Variants in SYNJ2 observed in about 807,000 individuals in gnomAD.
SYNJ2 encodes the protein synaptojanin 2, also known as polyphosphatidylinositol phosphatase SYNJ2.
In SYNJ2, 116 loss-of-function variants were observed where a neutral mutation model predicts 141.3. The observed-to-expected ratio is 0.82, with a 90% CI of 0.71 to 0.96. SYNJ2 has a LOEUF of 0.96. SYNJ2 is among the 40% of genes least tolerant of loss of function. SYNJ2 has a pLI of 0.00. For missense variants in SYNJ2, 1,873 were observed against 1,934.8 expected (o/e 0.97, Z 0.60); for synonymous variants, 745 against 777.7 (o/e 0.96, Z 0.70).
chr6:158,015,617 G>T (rs950460917), intron 1 of SYNJ2, among the ~76,000 whole-genome samples: 1 of 152,148 alleles, frequency 6.6e-6, no homozygotes, highest in African/African-American at 2.4e-5. Context: ...GTCACCAATT[G>T]CAATTACAGA....
chr6:158,088,574 C>T (rs1461288622), intron 23 of SYNJ2, 86 bp from the exon 24 acceptor site: 75 of 962,800 alleles, frequency 7.8e-5, no homozygotes, highest in South Asian at 2.8e-4. Context: ...CTGGGACATC[C>T]GCCTCGTCTA....
rs1221567949 is a variant in SYNJ2 at position 158,026,996 on chromosome 6, G to A, written c.215-1760G>A. 13 of 985,280 alleles carry A rather than the reference G, an allele frequency of 1.3e-5. No individual in the cohort carries two copies. In the Admixed American group the frequency reaches 4.9e-4, roughly 37 times the overall value. The allele number at this position is 985,280 out of a possible 1,614,324, so 61.0% of individuals were successfully genotyped here. A position where few individuals can be genotyped will look rare whatever the true frequency, so the allele number is the denominator to read the frequency against. ...GGTGGTTTTGAGGTGGTTTCCTGAGGATGTGTCTGGGGAGATGTGATGGGA... is the reference window on the plus strand; with the variant it reads ...GGTGGTTTTGAGGTGGTTTCCTGAGAATGTGTCTGGGGAGATGTGATGGGA... On this transcript the variant is annotated intron_variant, in intron 2 of 26. Coordinates refer to ENST00000355585, the MANE Select transcript of SYNJ2 (RefSeq NM_003898.4).
At chr6:158,026,695 T>A (rs1779066460) in intron 2 of SYNJ2, among the ~76,000 whole-genome samples, 1 of 152,188 alleles carries the variant, frequency 6.6e-6, no homozygotes, top group South Asian at 2.1e-4. Flanking sequence ...GAAGTGGTGC[T>A]AGAAATCAGC....
chr6:158,018,730 G>A (rs754472359), intron 2 of SYNJ2, among the ~76,000 whole-genome samples: 1 of 152,200 alleles, frequency 6.6e-6, no homozygotes, highest in African/African-American at 2.4e-5. Flanking sequence ...ATAGGCTACC[G>A]TGATAATGCA....
At chr6:157,985,988 T>G (rs912192333) in intron 1 of SYNJ2, among the ~76,000 whole-genome samples, 3 of 152,230 alleles carry the variant, frequency 2.0e-5, no homozygotes, top group African/African-American at 7.2e-5. Flanking sequence ...TTGTTTGAAT[T>G]GGTGAGATGG....
chr6:157,988,177 GT>G (rs899986266), intron 1 of SYNJ2, among the ~76,000 whole-genome samples: 1 of 152,248 alleles, frequency 6.6e-6, no homozygotes, highest in Non-Finnish European at 1.5e-5. Context: ...GGGCGTTGGG[GT>G]GGCAAGGGCA....
At chr6:158,057,047 A>G (rs1583423791) in intron 6 of SYNJ2, among the ~76,000 whole-genome samples, 1 of 148,896 alleles carries the variant, frequency 6.7e-6, no homozygotes, top group Non-Finnish European at 1.5e-5. Flanking sequence ...AGGACAGTGA[A>G]CCCCTTCTCC....
chr6:158,028,947 G>T lies in SYNJ2; in HGVS notation c.406G>T (p.Asp136Tyr), dbSNP rs147584404. The change falls in exon 3 of 27, where the codon GAT becomes TAT. Residue 136 changes from aspartate to tyrosine, a missense_variant. Transcript: ENST00000355585. ...GGTGTTCTATTTCTCATGGCCAAAC[G>T]ATGGGTCTCGCTTTGACCTGACTGT... ...SGVFYFSWPN[D>Y]GSRFDLTVRT... 2 of 1,614,054 alleles carry T rather than the reference G, an allele frequency of 1.2e-6. No individual in the cohort carries two copies. Among genetic ancestry groups the T allele is most frequent in the Admixed American group, 1.7e-5 (1 of 60,014 alleles).
In SYNJ2 at chr6:158,047,519, G is replaced by T. The variant is rs756387169; in HGVS notation, c.795+4120G>T. Among the ~76,000 whole-genome samples, 13 of 152,152 alleles carry T rather than the reference G, an allele frequency of 8.5e-5. 1 individual carries two copies. The highest frequency in any genetic ancestry group is 1.9e-4 in the Non-Finnish European group (13 of 68,018). ...TGGCTGGGCATGGGGGCTCATGCCTGTAATTCCAGCAATTTGGGAGGCCAA... is the reference window on the plus strand; with the variant it reads ...TGGCTGGGCATGGGGGCTCATGCCTTTAATTCCAGCAATTTGGGAGGCCAA... On this transcript the variant is annotated intron_variant, in intron 5 of 26. Transcript: ENST00000355585.
chr6:158,014,347 T>G (rs1366854030), intron 1 of SYNJ2, among the ~76,000 whole-genome samples: 1 of 152,230 alleles, frequency 6.6e-6, no homozygotes, highest in Non-Finnish European at 1.5e-5. Context: ...CATCTGTTTA[T>G]TCAGTAAGGT....
chr6:158,087,551 GT>G (rs1325220111), intron 23 of SYNJ2, among the ~76,000 whole-genome samples: 2 of 152,176 alleles, frequency 1.3e-5, no homozygotes, highest in Non-Finnish European at 2.9e-5. Context: ...AAGCTGTGAT[GT>G]GCTTTTGATC....
At chr6:158,000,566 T>C (rs767514027) in intron 1 of SYNJ2, among the ~76,000 whole-genome samples, 1 of 152,094 alleles carries the variant, frequency 6.6e-6, no homozygotes, top group Non-Finnish European at 1.5e-5. Context: ...AATCAGAAAG[T>C]CCTGAAAAAT....
intron 1 of SYNJ2, among the ~76,000 whole-genome samples, chr6:158,013,319 T>A (rs1236873561): frequency 1.3e-5 from 2 of 152,082 alleles, no homozygotes; most frequent in Non-Finnish European, 2.9e-5. Context: ...AGGTGGAGGT[T>A]ACAGTGAGCT....
intron 1 of SYNJ2, among the ~76,000 whole-genome samples, chr6:157,993,805 T>G (rs1290360587): frequency 2.5e-4 from 9 of 35,922 alleles, no homozygotes; most frequent in African/African-American, 2.6e-4. Context: ...GGGTTTTTTT[T>G]TTTTTTTTTT....
At chr6:157,989,911 G>T (rs1430750589) in intron 1 of SYNJ2, among the ~76,000 whole-genome samples, 1 of 152,082 alleles carries the variant, frequency 6.6e-6, no homozygotes, top group Admixed American at 6.5e-5. Flanking sequence ...GCTTTTCTGG[G>T]GGGGGCTAGG....
chr6:158,064,559 T>A, intron 9 of SYNJ2, 42 bp from the exon 10 acceptor site: 1 of 1,606,776 alleles, frequency 6.2e-7, no homozygotes, highest in South Asian at 1.1e-5. Context: ...GCAGGGCCTC[T>A]GTGGGAGAAG....
chr6:158,046,899 C>G (rs6928826), intron 5 of SYNJ2, among the ~76,000 whole-genome samples: 7,904 of 151,670 alleles, frequency 0.052, 672 homozygotes, highest in African/African-American at 0.18. Flanking sequence ...CTTCCCCCCA[C>G]CATATGCTGT....
chr6:158,086,007 C>T (rs923532654), intron 22 of SYNJ2, among the ~76,000 whole-genome samples: 11 of 152,098 alleles, frequency 7.2e-5, no homozygotes, highest in African/African-American at 2.7e-4. Flanking sequence ...TAGTCCTTTG[C>T]ATGAAGAAAC....
chr6:158,060,798 G>A (rs1208766948), intron 7 of SYNJ2, among the ~76,000 whole-genome samples: 1 of 152,248 alleles, frequency 6.6e-6, no homozygotes, highest in African/African-American at 2.4e-5. Context: ...AGTGGGTGAA[G>A]TGCCCGGCAC....
Sources: gnomAD v4.1 joint callset for allele counts (sites outside exome capture counted in the v4.1 genomes callset) on GRCh38, gnomAD v4.1.1 for gene constraint, MANE v1.5 for transcripts, NCBI Gene and HGNC (gene_info 2026-07-23, HGNC 2026-07-21) for gene names.